Variants in KIAA0513 observed in about 807,000 individuals in gnomAD.
KIAA0513 encodes KIAA0513.
Under a neutral mutation model 56.5 loss-of-function variants are expected in KIAA0513, and 39 were observed. The ratio of observed to expected loss-of-function variants is 0.69; its 90% CI spans 0.53 to 0.90. The LOEUF (loss-of-function observed/expected upper bound fraction) is 0.90, where lower values mean the gene tolerates loss of function less well. Among genes scored for constraint, KIAA0513 ranks in the 40% least tolerant of loss-of-function variants. KIAA0513 has a pLI of 0.00. For synonymous variants in KIAA0513, 268 were observed against 215.6 expected, an observed-to-expected ratio of 1.24 and a Z score of -2.13; for missense variants, 591 against 535.2, an observed-to-expected ratio of 1.10 and a Z score of -1.03.
At chr16:85,087,248 C>T (rs1474736895) in intron 12 of KIAA0513, 82 bp downstream of exon 12, 34 of 1,103,922 alleles carry the variant, frequency 3.1e-5, no homozygotes, top group Admixed American at 1.2e-4. Flanking sequence ...CGCTTCTGCA[C>T]TGCCAGAAGG....
At position 85,090,198 on chromosome 16, in the gene KIAA0513, C is replaced by T. The variant is rs1469026735; in HGVS notation, c.*1873C>T. 6.6e-6 allele frequency: 1 copy of T among 152,128 alleles called. No individual in the cohort carries two copies. The highest frequency in any genetic ancestry group is 1.5e-5 in the Non-Finnish European group (1 of 68,014). The allele number at this position is 152,128 out of a possible 1,614,324, so 9.4% of individuals were successfully genotyped here. A position where few individuals can be genotyped will look rare whatever the true frequency, so the allele number is the denominator to read the frequency against. ...GCTCTGATGCCAACTGCAGATAATA[C>T]ACACCTCCTGCAGCGTCCAGCCACG... On this transcript the variant is annotated 3_prime_UTR_variant, in exon 13 of 13. Coordinates refer to ENST00000683363, the MANE Select transcript of KIAA0513 (RefSeq NM_001388359.1).
At position 85,067,025 on chromosome 16, in the gene KIAA0513, T is replaced by C. The variant is rs1317791612; in HGVS notation, c.-47T>C. 9 of 1,485,638 alleles carry C rather than the reference T, an allele frequency of 6.1e-6. No homozygotes were observed. The highest frequency in any genetic ancestry group is 2.8e-5 in the African/African-American group (2 of 71,466). 92.0% of individuals were successfully genotyped at this position (1,485,638 alleles called of 1,614,324 possible). ...GACACCAGGCTGCTGGGCTCCCCTC[T>C]AGGCAGCCTCCCCTCCAGGCAGCCT... On this transcript the variant is annotated 5_prime_UTR_variant, in exon 2 of 13. Transcript: ENST00000683363.
Position 85,071,756 on chromosome 16 carries a change from T to TTTC in KIAA0513, c.330-27_330-26insTTC. ...GATTGAAAAGGGTTTTTTTTTTTTT[T>TTTC]CCTCTGCTCTTTTTTTTTTTTTTTA... On this transcript the variant is annotated intron_variant, in intron 2 of 12. Transcript: ENST00000683363. 2.0e-6 allele frequency: 3 copies of TTTC among 1,501,354 alleles called. No individual in the cohort carries two copies. In the South Asian group the frequency reaches 3.6e-5, roughly 18 times the overall value. The allele number at this position is 1,501,354 out of a possible 1,614,324, so 93.0% of individuals were successfully genotyped here.
chr16:85,056,165 G>A (rs943386951), intron 1 of KIAA0513, among the ~76,000 whole-genome samples: 12 of 152,260 alleles, frequency 7.9e-5, no homozygotes, highest in African/African-American at 2.7e-4. Context: ...GGTTGGTTGC[G>A]ATGGACGGCA....
intron 1 of KIAA0513, among the ~76,000 whole-genome samples, chr16:85,053,988 C>G (rs1488240288): frequency 1.8e-5 from 2 of 113,102 alleles, no homozygotes; most frequent in African/African-American, 3.7e-5. Flanking sequence ...AAGACTCTGT[C>G]TCAAAAAAAA....
chr16:85,088,345 G>T lies in KIAA0513; in HGVS notation c.*20G>T, dbSNP rs375522461. Reference sequence around the variant, plus strand: ...GAGTAGGCCCCAGAGGTCGCACTCCGCAGGAGGACTGAGGCCATGTGCCAT... The same window carrying T: ...GAGTAGGCCCCAGAGGTCGCACTCCTCAGGAGGACTGAGGCCATGTGCCAT... On this transcript the variant is annotated 3_prime_UTR_variant, in exon 13 of 13. Coordinates refer to ENST00000683363, the MANE Select transcript of KIAA0513 (RefSeq NM_001388359.1). 3.4e-5 allele frequency: 54 copies of T among 1,604,364 alleles called. No individual in the cohort carries two copies. Among genetic ancestry groups the T allele is most frequent in the Non-Finnish European group, 4.2e-5 (50 of 1,177,260 alleles).
At chr16:85,083,898 C>T (rs2073776882) in intron 10 of KIAA0513, among the ~76,000 whole-genome samples, 3 of 152,172 alleles carry the variant, frequency 2.0e-5, no homozygotes, top group Admixed American at 2.0e-4. Flanking sequence ...CATTATCATC[C>T]TCTCTGTGTA....
chr16:85,064,713 A>G (rs1209630759), intron 1 of KIAA0513, among the ~76,000 whole-genome samples: 1 of 151,964 alleles, frequency 6.6e-6, no homozygotes, highest in African/African-American at 2.4e-5. Context: ...TTTGAGACGG[A>G]GTTGTGCTGT....
intron 1 of KIAA0513, among the ~76,000 whole-genome samples, chr16:85,051,071 G>A (rs2073246129): frequency 6.6e-6 from 1 of 152,100 alleles, no homozygotes; most frequent in African/African-American, 2.4e-5. Flanking sequence ...CTTGAGCCTA[G>A]GAATTTGAGG....
In KIAA0513 at chr16:85,067,362, C is replaced by T; in HGVS notation, c.291C>T (p.Asp97=). 1.9e-6 allele frequency: 3 copies of T among 1,608,202 alleles called. No individual in the cohort carries two copies. The highest frequency in any genetic ancestry group is 1.7e-6 in the Non-Finnish European group (2 of 1,179,934). ...ATGAAGAGACCCTGGCACTCAGGGA[C>T]TTCATGCGTGGCTACGTGGAGAAGA... ...TQDEETLALR[D]FMRGYVEKIF... Residue 97 remains aspartate, a synonymous_variant, in exon 2 of 13, where the codon GAC becomes GAT. Coordinates refer to ENST00000683363, the MANE Select transcript of KIAA0513 (RefSeq NM_001388359.1).
intron 8 of KIAA0513, chr16:85,079,221 C>A (rs578090274): frequency 2.1e-6 from 2 of 961,686 alleles, no homozygotes; most frequent in Non-Finnish European, 2.9e-6. Flanking sequence ...AATGAGCAGC[C>A]GCTGAGAAAC....
chr16:85,029,252 G>C (rs1292915045), intron 1 of KIAA0513, among the ~76,000 whole-genome samples: 3 of 152,154 alleles, frequency 2.0e-5, no homozygotes, highest in African/African-American at 4.8e-5. Flanking sequence ...GATGGCGTGG[G>C]ACTCACATGT....
At chr16:85,072,105 C>T (rs1464806646) in intron 3 of KIAA0513, among the ~76,000 whole-genome samples, 1 of 152,134 alleles carries the variant, frequency 6.6e-6, no homozygotes. Context: ...GTAATCCCAG[C>T]AGTTTGGGAG....
chr16:85,049,614 T>C (rs1026706171), intron 1 of KIAA0513, among the ~76,000 whole-genome samples: 2 of 152,290 alleles, frequency 1.3e-5, no homozygotes, highest in Non-Finnish European at 2.9e-5. Context: ...TCTCTCTTGC[T>C]CCAGCTCCTG....
intron 1 of KIAA0513, among the ~76,000 whole-genome samples, chr16:85,043,587 A>T (rs1369227983): frequency 6.6e-6 from 1 of 151,530 alleles, no homozygotes. Context: ...AATCTTTCAT[A>T]TTCTTAGCAG....
At chr16:85,078,355 T>G in intron 6 of KIAA0513, 60 bp from the exon 7 acceptor site, 2 of 1,587,314 alleles carry the variant, frequency 1.3e-6, no homozygotes, top group Non-Finnish European at 8.6e-7. Context: ...AACAGCGTCT[T>G]TGAGTTGAGA....
intron 1 of KIAA0513, among the ~76,000 whole-genome samples, chr16:85,050,615 C>A (rs1051199672): frequency 2.0e-5 from 3 of 152,146 alleles, no homozygotes; most frequent in African/African-American, 7.2e-5. Flanking sequence ...CGTGCCCAGC[C>A]GAGCTGTTGA....
At chr16:85,077,719 C>G in intron 6 of KIAA0513, 87 bp downstream of exon 6, 1 of 953,832 alleles carries the variant, frequency 1.0e-6, no homozygotes, top group Non-Finnish European at 1.6e-6. Context: ...AGGGAGGGTG[C>G]GGGTGAGGCC....
chr16:85,078,996 C>G lies in KIAA0513; in HGVS notation c.895C>G (p.Pro299Ala). ...CCTGTACACGCACCTGAAGCAACAG[C>G]CCATCTGGTAAGGCCGAGCCCGCGG... is the stretch of plus-strand genomic sequence containing the variant. ...IYLYTHLKQQPIWHTLRFWNA... is the reference protein window; with the variant it reads ...IYLYTHLKQQAIWHTLRFWNA... The change falls in exon 8 of 13, where the codon CCC (proline) becomes GCC (alanine). Residue 299 changes from proline to alanine, a missense_variant. Pro to Ala is a conservative substitution (Grantham distance 27). Coordinates refer to ENST00000683363, the MANE Select transcript of KIAA0513 (RefSeq NM_001388359.1). 3 of 1,614,162 alleles carry G rather than the reference C, an allele frequency of 1.9e-6. No individual in the cohort carries two copies. Among genetic ancestry groups the G allele is most frequent in the Non-Finnish European group, 1.7e-6 (2 of 1,180,016 alleles).
Sources: allele counts gnomAD v4.1 joint callset (sites outside exome capture counted in the v4.1 genomes callset), GRCh38; gene constraint gnomAD v4.1.1; transcripts MANE v1.5; gene names NCBI Gene and HGNC (gene_info 2026-07-23, HGNC 2026-07-21).